The following RNF157 variants were observed in gnomAD, a reference collection of about 807,000 sequenced individuals.
The protein encoded by RNF157 is E3 ubiquitin ligase RNF157.
Under a neutral mutation model 88.3 loss-of-function variants are expected in RNF157, and 55 were observed. That is an observed-to-expected ratio of 0.62 (90% CI 0.50 to 0.78). The LOEUF (loss-of-function observed/expected upper bound fraction) is 0.78, where lower values mean the gene tolerates loss of function less well. Ranked by LOEUF, RNF157 falls within the 30% of genes least tolerant of loss-of-function variation. RNF157 has a pLI of 0.00. For synonymous variants in RNF157, 334 were observed against 341.2 expected, an observed-to-expected ratio of 0.98 and a Z score of 0.23; for missense variants, 788 against 860.8, an observed-to-expected ratio of 0.92 and a Z score of 1.06.
chr17:76,154,058 C>T (rs2068723484), intron 17 of RNF157: 1 of 544,424 alleles, frequency 1.8e-6, no homozygotes. Context: ...AGCACCCGCA[C>T]CTGACATCCA....
chr17:76,190,907 CAA>C (rs984043881), intron 2 of RNF157, among the ~76,000 whole-genome samples: 10 of 106,188 alleles, frequency 9.4e-5, no homozygotes, highest in Admixed American at 1.0e-4. Context: ...GACTCTGTCT[CAA>C]AAAAAAAAAA....
At chr17:76,180,862 T>A (rs1282133747) in intron 2 of RNF157, among the ~76,000 whole-genome samples, 1 of 152,188 alleles carries the variant, frequency 6.6e-6, no homozygotes, top group Non-Finnish European at 1.5e-5. Flanking sequence ...CAGCTCTAGT[T>A]TAGGTATGCT....
At chr17:76,154,694 C>A in intron 16 of RNF157, 1 of 240,454 alleles carries the variant, frequency 4.2e-6, no homozygotes, top group Non-Finnish European at 8.1e-6. Context: ...AGATCCCAAA[C>A]CCCATCCAGA....
intron 1 of RNF157, among the ~76,000 whole-genome samples, chr17:76,212,710 A>G (rs1224332587): frequency 6.6e-6 from 1 of 152,098 alleles, no homozygotes; most frequent in Non-Finnish European, 1.5e-5. Flanking sequence ...AAAAATGTAA[A>G]AATTAGCCGG....
chr17:76,235,347 G>A (rs2070264318), intron 1 of RNF157, among the ~76,000 whole-genome samples: 1 of 152,038 alleles, frequency 6.6e-6, no homozygotes, highest in African/African-American at 2.4e-5. Flanking sequence ...ACAGGCTTCT[G>A]TCACCATGCC....
intron 1 of RNF157, among the ~76,000 whole-genome samples, chr17:76,218,640 A>C (rs1241890741): frequency 6.6e-6 from 1 of 152,034 alleles, no homozygotes; most frequent in East Asian, 1.9e-4. Flanking sequence ...CTGTCTCAAT[A>C]AAGGAAAAAC....
intron 1 of RNF157, among the ~76,000 whole-genome samples, chr17:76,239,618 G>A (rs1568085062): frequency 7.3e-6 from 1 of 137,416 alleles, no homozygotes; most frequent in East Asian, 2.3e-4. Context: ...CCATCCTTCA[G>A]CAGGCAATGG....
At chr17:76,164,695 TA>T in intron 8 of RNF157, 52 bp downstream of exon 8, 3 of 1,089,130 alleles carry the variant, frequency 2.8e-6, no homozygotes, top group East Asian at 2.6e-5. Context: ...AAGGAAAGAA[TA>T]AAAGGAAGGA....
chr17:76,187,688 G>A (rs1307387541), intron 2 of RNF157, among the ~76,000 whole-genome samples: 2 of 151,932 alleles, frequency 1.3e-5, no homozygotes, highest in Non-Finnish European at 2.9e-5. Context: ...CCACATCCGG[G>A]GTTCAAGCGA....
rs1297665368 is a variant in RNF157 at position 76,159,718 on chromosome 17, T to G, written c.1066-145A>C. The G allele has an allele frequency of 1.1e-5, 7 of 631,426 alleles. No individual in the cohort carries two copies. In the African/African-American group the frequency reaches 1.4e-4, roughly 12 times the overall value. 39.1% of individuals were successfully genotyped at this position (631,426 alleles called of 1,614,324 possible). On this transcript the variant is annotated intron_variant, in intron 11 of 18. Transcript: ENST00000269391. ...AGAACAACTGTACTAGAGGCAGAGATAAAATATCAAAGAATCACACACTGT... is the reference window on the plus strand; with the variant it reads ...AGAACAACTGTACTAGAGGCAGAGAGAAAATATCAAAGAATCACACACTGT...
At position 76,162,007 on chromosome 17, in the gene RNF157, C is replaced by A; in HGVS notation, c.793-5G>T. 1.2e-6 allele frequency: 2 copies of A among 1,611,742 alleles called. No homozygotes were observed. Among genetic ancestry groups the A allele is most frequent in the Non-Finnish European group, 1.7e-6 (2 of 1,178,350 alleles). On this transcript the variant is annotated splice_region_variant and splice_polypyrimidine_tract_variant and intron_variant, in intron 9 of 18. Coordinates refer to ENST00000269391, the MANE Select transcript of RNF157 (RefSeq NM_052916.3). ...ACTCACTTCGTCTTCAGCCACCTGG[C>A]CAAGGAGAAAGAAATGTAGCCAATG...
intron 2 of RNF157, among the ~76,000 whole-genome samples, chr17:76,203,715 G>T (rs1008666652): frequency 7.3e-5 from 11 of 150,700 alleles, no homozygotes; most frequent in Middle Eastern, 6.9e-3. Flanking sequence ...GCCTCCCAAA[G>T]TGCTGGGATT....
At chr17:76,213,378 T>C (rs570108566) in intron 1 of RNF157, among the ~76,000 whole-genome samples, 1 of 152,050 alleles carries the variant, frequency 6.6e-6, no homozygotes, top group Non-Finnish European at 1.5e-5. Flanking sequence ...GAGACCAGCC[T>C]GGCCAACACG....
At chr17:76,229,809 A>G (rs1277761245) in intron 1 of RNF157, among the ~76,000 whole-genome samples, 1 of 152,198 alleles carries the variant, frequency 6.6e-6, no homozygotes, top group Admixed American at 6.5e-5. Flanking sequence ...AACTGCTTGT[A>G]ATTTGTTTTT....
At chr17:76,145,816 G>C (rs1457293047) in intron 18 of RNF157, among the ~76,000 whole-genome samples, 1 of 152,116 alleles carries the variant, frequency 6.6e-6, no homozygotes, top group Non-Finnish European at 1.5e-5. Context: ...GGGCCCAGGC[G>C]GGGCAGGAAA....
intron 2 of RNF157, among the ~76,000 whole-genome samples, chr17:76,198,690 A>G (rs973190068): frequency 1.3e-5 from 2 of 152,056 alleles, no homozygotes; most frequent in Non-Finnish European, 2.9e-5. Flanking sequence ...TCTCTAATCT[A>G]CCTTCTACAC....
In RNF157 at chr17:76,146,477, C is replaced by T. The variant is rs958831548; in HGVS notation, c.1922-1124G>A. The T allele has an allele frequency of 1.0e-6, 1 of 985,622 alleles. No individual in the cohort carries two copies. The highest frequency in any genetic ancestry group is 1.2e-6 in the Non-Finnish European group (1 of 830,178). 61.1% of individuals were successfully genotyped at this position (985,622 alleles called of 1,614,324 possible). ...CTCCCTCCAGTGAGGCTAGGGCGCT[C>T]CTGCCTTGGGCCTCGGCTGCCTCCA... is the stretch of plus-strand genomic sequence containing the variant. On this transcript the variant is annotated intron_variant, in intron 18 of 18. Coordinates refer to ENST00000269391, the MANE Select transcript of RNF157 (RefSeq NM_052916.3). This position sits in a 1 kb window ranked among gnomAD's most constrained non-coding sequence, Gnocchi z 4.2.
intron 2 of RNF157, among the ~76,000 whole-genome samples, chr17:76,202,111 T>TTCTCTCTC (rs374396479): frequency 1.5e-3 from 200 of 133,946 alleles, no homozygotes; most frequent in African/African-American, 5.3e-3. Context: ...CAATCTCAGT[T>TTCTCTCTC]TCTCTCTCTC....
chr17:76,231,448 C>G (rs1315171025), intron 1 of RNF157, among the ~76,000 whole-genome samples: 10 of 152,104 alleles, frequency 6.6e-5, no homozygotes, highest in Non-Finnish European at 4.4e-5. Context: ...TGAGGCCCAC[C>G]ACCATGCCTG....
Sources: gnomAD v4.1 joint callset for allele counts (sites outside exome capture counted in the v4.1 genomes callset) on GRCh38, gnomAD v4.1.1 for gene constraint, Gnocchi (gnomAD v3.1) non-coding constraint, MANE v1.5 for transcripts, NCBI Gene and HGNC (gene_info 2026-07-23, HGNC 2026-07-21) for gene names.